Variants in PPP2R5D observed in about 807,000 individuals in gnomAD.
PPP2R5D encodes protein phosphatase 2 regulatory subunit B'delta.
PPP2R5D carries 12 observed loss-of-function variants against 79.1 expected under a neutral mutation model. The observed-to-expected ratio is 0.15, with a 90% CI of 0.10 to 0.25. The LOEUF (loss-of-function observed/expected upper bound fraction) is 0.25. PPP2R5D is among the 10% of genes least tolerant of loss of function. The pLI, the probability that PPP2R5D is intolerant of heterozygous loss-of-function variation, is 1.00. For synonymous variants in PPP2R5D, 277 were observed against 286.6 expected, an observed-to-expected ratio of 0.97 and a Z score of 0.34; for missense variants, 419 against 760.2, an observed-to-expected ratio of 0.55 and a Z score of 5.28.
rs1204888200 is a variant in PPP2R5D at position 43,010,865 on chromosome 6, A to G, written c.1555-16A>G. The G allele has an allele frequency of 1.2e-6, 2 of 1,609,328 alleles. No homozygotes were observed. Among genetic ancestry groups the G allele is most frequent in the Non-Finnish European group, 1.7e-6 (2 of 1,176,328 alleles). ...CTGAAGTGGCTCTTAACGCTTGTCC[A>G]TGTCTCCTCACTCAGTATCCCATGT... On this transcript the variant is annotated splice_polypyrimidine_tract_variant and intron_variant, in intron 14 of 15. Transcript: ENST00000485511. This position sits in a 1 kb window ranked among gnomAD's most constrained non-coding sequence, Gnocchi z 4.7.
intron 2 of PPP2R5D, among the ~76,000 whole-genome samples, chr6:42,991,571 C>T (rs748567544): frequency 1.3e-5 from 2 of 152,160 alleles, no homozygotes; most frequent in Non-Finnish European, 2.9e-5. Context: ...TCGGCTGTCT[C>T]TTGTGTTAGC....
At position 42,997,999 on chromosome 6, in the gene PPP2R5D, A is replaced by G. The variant is rs561196805; in HGVS notation, c.105+8311A>G. On this transcript the variant is annotated intron_variant, in intron 2 of 15. Coordinates refer to ENST00000485511, the MANE Select transcript of PPP2R5D (RefSeq NM_006245.4). ...GCCCCTATCTCTTTATTTATATTTGAATATTTGGGTTTTATTTATATATAT... is the reference window on the plus strand; with the variant it reads ...GCCCCTATCTCTTTATTTATATTTGGATATTTGGGTTTTATTTATATATAT... 1.1e-4 allele frequency among the ~76,000 whole-genome samples: 9 copies of G among 82,838 alleles called. No homozygotes were observed. The South Asian group carries it at 1.6e-3, about 15-fold the overall frequency. The allele number at this position is 82,838 out of a possible 152,430, so 54.3% of individuals were successfully genotyped here.
At chr6:43,003,711 G>C (rs1056919951) in intron 2 of PPP2R5D, among the ~76,000 whole-genome samples, 5 of 151,742 alleles carry the variant, frequency 3.3e-5, no homozygotes, top group Admixed American at 2.6e-4. Flanking sequence ...GTTTTGTACT[G>C]TATTTTTTTT....
Position 43,006,595 on chromosome 6 carries a change from A to G in PPP2R5D, c.238A>G (p.Ile80Val). ...AATCAAGTACTCAGGGGGGCCCCAG[A>G]TTGTCAAGAAGGAGCGACGGCAAAG... is the stretch of plus-strand genomic sequence containing the variant. ...SKIKYSGGPQ[I>V]VKKERRQSSS... Residue 80 changes from isoleucine (I) to valine (V), a missense_variant, in exon 3 of 16, where the codon ATT (isoleucine) becomes GTT (valine). Ile to Val is a conservative substitution (Grantham distance 29). Transcript: ENST00000485511. The surrounding 1 kb of genome is among the most constrained non-coding windows in gnomAD (Gnocchi z 4.7). The G allele has an allele frequency of 1.2e-6, 2 of 1,614,068 alleles. No homozygotes were observed. Among genetic ancestry groups the G allele is most frequent in the Non-Finnish European group, 1.7e-6 (2 of 1,180,016 alleles).
At chr6:43,002,710 C>T (rs528194130) in intron 2 of PPP2R5D, among the ~76,000 whole-genome samples, 1 of 152,304 alleles carries the variant, frequency 6.6e-6, no homozygotes, top group African/African-American at 2.4e-5. Context: ...GTGACAAGTC[C>T]ACATCATTGT....
At chr6:42,990,893 G>A (rs373593782) in intron 2 of PPP2R5D, among the ~76,000 whole-genome samples, 3 of 151,650 alleles carry the variant, frequency 2.0e-5, no homozygotes, top group Admixed American at 6.6e-5. Context: ...TGTATTTTTA[G>A]TAGAGACGGT....
intron 2 of PPP2R5D, among the ~76,000 whole-genome samples, chr6:42,991,018 C>T (rs1374250609): frequency 1.3e-5 from 2 of 152,090 alleles, no homozygotes; most frequent in African/African-American, 4.8e-5. Flanking sequence ...GGCCCTTATG[C>T]GGTATTCTAA....
chr6:43,004,899 G>A (rs540228777), intron 2 of PPP2R5D, among the ~76,000 whole-genome samples: 16 of 151,332 alleles, frequency 1.1e-4, no homozygotes, highest in Non-Finnish European at 1.9e-4. Flanking sequence ...ACAGGCACCC[G>A]CCACCACACC....
rs924695400 is a variant in PPP2R5D at position 43,012,120 on chromosome 6, G to A, written c.*834G>A. ...CCTGCCAACACCTATTTATTTCCTT[G>A]TTTGTGCTATGCTGGGCAGGCCTTC... On this transcript the variant is annotated 3_prime_UTR_variant, in exon 16 of 16. Coordinates refer to ENST00000485511, the MANE Select transcript of PPP2R5D (RefSeq NM_006245.4). The A allele has an allele frequency of 7.4e-6, 6 of 809,048 alleles. No homozygotes were observed. The highest frequency in any genetic ancestry group is 5.7e-4 in the Middle Eastern group (1 of 1,746). The allele number at this position is 809,048 out of a possible 1,614,324, so 50.1% of individuals were successfully genotyped here. A position where few individuals can be genotyped will look rare whatever the true frequency, so the allele number is the denominator to read the frequency against.
Position 43,012,328 on chromosome 6 carries a change from G to C in PPP2R5D, c.*1042G>C. The C allele has an allele frequency of 2.0e-6, 3 of 1,470,612 alleles. No homozygotes were observed. The highest frequency in any genetic ancestry group is 2.7e-6 in the Non-Finnish European group (3 of 1,111,992). 91.1% of individuals were successfully genotyped at this position (1,470,612 alleles called of 1,614,324 possible). ...CCCCATATGTACAGAACTGAATAAA[G>C]TGGGTCTCTGAGAAGTCTGATGTGC... On this transcript the variant is annotated 3_prime_UTR_variant, in exon 16 of 16. Transcript: ENST00000485511.
In PPP2R5D at chr6:43,010,068, T is replaced by TAA. The variant is rs146372245; in HGVS notation, c.1380-391_1380-390dup. Among the ~76,000 whole-genome samples, 7 of 146,644 alleles carry TAA rather than the reference T, an allele frequency of 4.8e-5. No homozygotes were observed. Among genetic ancestry groups the TAA allele is most frequent in the African/African-American group, 1.3e-4 (5 of 38,412 alleles). On this transcript the variant is annotated intron_variant, in intron 12 of 15. Transcript: ENST00000485511. The surrounding 1 kb of genome is among the most constrained non-coding windows in gnomAD (Gnocchi z 4.7). ...TGGGCAACAGAGTGAGACTCCGTCT[T>TAA]AAAAAAAAAACTCAGGGTTTTGAAA...
chr6:43,011,463 C>A lies in PPP2R5D; in HGVS notation c.*177C>A. The A allele has an allele frequency of 1.2e-6, 1 of 836,492 alleles. No homozygotes were observed. The highest frequency in any genetic ancestry group is 1.8e-6 in the Non-Finnish European group (1 of 550,784). The allele number at this position is 836,492 out of a possible 1,614,324, so 51.8% of individuals were successfully genotyped here. On this transcript the variant is annotated 3_prime_UTR_variant, in exon 16 of 16. Coordinates refer to ENST00000485511, the MANE Select transcript of PPP2R5D (RefSeq NM_006245.4). Reference sequence around the variant, plus strand: ...CACCCACAGAATGGTCCCTCTTCTCCCCAAAAGGTGTTCATGCCTCCCTGT... The same window carrying A: ...CACCCACAGAATGGTCCCTCTTCTCACCAAAAGGTGTTCATGCCTCCCTGT...
chr6:42,996,995 A>G (rs946030199), intron 2 of PPP2R5D, among the ~76,000 whole-genome samples: 2 of 151,634 alleles, frequency 1.3e-5, no homozygotes, highest in African/African-American at 4.8e-5. Context: ...TTATATTGTT[A>G]TCTCTTTGTT....
In PPP2R5D at chr6:43,012,271, C is replaced by A. The variant is rs1762388168; in HGVS notation, c.*985C>A. ...GTGCTTTATTCTCCACAGAGTGATA[C>A]ATGCTAAGGTGGGTTGGGCTTGGAC... is the stretch of plus-strand genomic sequence containing the variant. On this transcript the variant is annotated 3_prime_UTR_variant, in exon 16 of 16. Coordinates refer to ENST00000485511, the MANE Select transcript of PPP2R5D (RefSeq NM_006245.4). 1 of 1,343,666 alleles carries A rather than the reference C, an allele frequency of 7.4e-7. No homozygotes were observed. The highest frequency in any genetic ancestry group is 1.5e-5 in the African/African-American group (1 of 67,588). The allele number at this position is 1,343,666 out of a possible 1,614,324, so 83.2% of individuals were successfully genotyped here. A position where few individuals can be genotyped will look rare whatever the true frequency, so the allele number is the denominator to read the frequency against.
chr6:43,003,618 T>TGGG (rs1477140395), intron 2 of PPP2R5D, among the ~76,000 whole-genome samples: 2 of 152,176 alleles, frequency 1.3e-5, no homozygotes, highest in Non-Finnish European at 2.9e-5. Context: ...GTGGTGGACT[T>TGGG]GGGCTTGTTC....
intron 2 of PPP2R5D, among the ~76,000 whole-genome samples, chr6:43,004,340 A>G (rs1761941342): frequency 6.6e-6 from 1 of 152,184 alleles, no homozygotes; most frequent in Admixed American, 6.5e-5. Context: ...ATCATTATTT[A>G]ACTTAGCATA....
Position 43,006,322 on chromosome 6 carries a change from C to G in PPP2R5D, c.106-141C>G, listed in dbSNP as rs968103358. The G allele has an allele frequency of 2.0e-5, 29 of 1,420,936 alleles. No individual in the cohort carries two copies. Among genetic ancestry groups the G allele is most frequent in the Non-Finnish European group, 2.6e-5 (28 of 1,077,568 alleles). 88.0% of individuals were successfully genotyped at this position (1,420,936 alleles called of 1,614,324 possible). ...CTACAGCACAGTTATCTCTGTAACC[C>G]TGGCCTTAGCTCCTTCGGGGCAGGA... On this transcript the variant is annotated intron_variant, in intron 2 of 15. Transcript: ENST00000485511. This position sits in a 1 kb window ranked among gnomAD's most constrained non-coding sequence, Gnocchi z 4.7.
Position 43,007,792 on chromosome 6 carries a change from T to G in PPP2R5D, c.727-143T>G. 9.4e-7 allele frequency: 1 copy of G among 1,068,832 alleles called. No individual in the cohort carries two copies. The highest frequency in any genetic ancestry group is 1.5e-5 in the South Asian group (1 of 68,894). 66.2% of individuals were successfully genotyped at this position (1,068,832 alleles called of 1,614,324 possible). On this transcript the variant is annotated intron_variant, in intron 6 of 15. Transcript: ENST00000485511. This position sits in a 1 kb window ranked among gnomAD's most constrained non-coding sequence, Gnocchi z 4.5. ...TACAAATACAATAGAATCAGCAATA[T>G]AATAGAATCACTGCTTTCTAAGACT...
chr6:42,992,027 G>A (rs1283699669), intron 2 of PPP2R5D, among the ~76,000 whole-genome samples: 3 of 152,162 alleles, frequency 2.0e-5, no homozygotes, highest in Non-Finnish European at 4.4e-5. Flanking sequence ...ATGTGAGGCT[G>A]TGGTCTTCAA....
Sources: allele counts gnomAD v4.1 joint callset (sites outside exome capture counted in the v4.1 genomes callset), GRCh38; gene constraint gnomAD v4.1.1; non-coding constraint Gnocchi (gnomAD v3.1); transcripts MANE v1.5; gene names NCBI Gene and HGNC (gene_info 2026-07-23, HGNC 2026-07-21).